TUSC3: variants seen among roughly 807,000 people sequenced by gnomAD.
The protein encoded by TUSC3 is dolichyl-diphosphooligosaccharide--protein glycosyltransferase subunit TUSC3.
In TUSC3, 45 loss-of-function variants were observed where a neutral mutation model predicts 44.8. That is an observed-to-expected ratio of 1.00 (90% confidence interval 0.79 to 1.29). The LOEUF is 1.29. Ranked by LOEUF, TUSC3 falls within the 50% of genes most tolerant of loss-of-function variation. The pLI is 0.00. For synonymous variants in TUSC3, 212 were observed against 152.9 expected, an observed-to-expected ratio of 1.39 and a Z score of -2.85; for missense variants, 519 against 437.9, an observed-to-expected ratio of 1.19 and a Z score of -1.65.
At chr8:15,687,806 C>T (rs1393377683) in intron 6 of TUSC3, among the ~76,000 whole-genome samples, 1 of 152,148 alleles carries the variant, frequency 6.6e-6, no homozygotes, top group Non-Finnish European at 1.5e-5. Flanking sequence ...CAAATAGGAA[C>T]TCAGATTGTA....
chr8:15,806,437 A>C, the TUSC3 span: 1 of 797,684 alleles, frequency 1.3e-6, no homozygotes, highest in Non-Finnish European at 2.3e-6. Flanking sequence ...CAGAGAAAAA[A>C]ATCACACACA....
chr8:15,496,961 T>C (rs1350376279), intron 2 of TUSC3, among the ~76,000 whole-genome samples: 1 of 152,212 alleles, frequency 6.6e-6, no homozygotes, highest in African/African-American at 2.4e-5. Context: ...GAACCTGTTT[T>C]AGATATTAGG....
rs10111198 is a variant in TUSC3, at chr8:15,723,857, C to T, written c.799-6809C>T. Among the ~76,000 whole-genome samples, 678 of 152,208 alleles carry T rather than the reference C, an allele frequency of 4.5e-3. 5 individuals carry two copies. Among genetic ancestry groups the T allele is most frequent in the African/African-American group, 0.015 (628 of 41,542 alleles). ...TTAGTATTTTAGCACACAAAGGAGA[C>T]TCAGGACTAGTATCATGACTACATT... On this transcript the variant is annotated intron_variant, in intron 6 of 10. Transcript: ENST00000503731.
At chr8:15,828,036 C>T in the TUSC3 span, among the ~76,000 whole-genome samples, 4 of 146,602 alleles carry the variant, frequency 2.7e-5, no homozygotes, top group African/African-American at 9.9e-5. Flanking sequence ...CACTTGTTGC[C>T]CAGGCTGGAG....
intron 1 of TUSC3, among the ~76,000 whole-genome samples, chr8:15,582,108 A>G (rs550970733): frequency 1.3e-5 from 2 of 150,626 alleles, no homozygotes; most frequent in Admixed American, 6.6e-5. Flanking sequence ...TGACTCGGAA[A>G]GGGAACTCCC....
intron 2 of TUSC3, among the ~76,000 whole-genome samples, chr8:15,646,611 G>C (rs1806643923): frequency 6.6e-6 from 1 of 151,732 alleles, no homozygotes; most frequent in Non-Finnish European, 1.5e-5. Context: ...TTATAGTACT[G>C]TTCATATTTA....
the TUSC3 span, among the ~76,000 whole-genome samples, chr8:15,837,850 T>A: frequency 6.6e-6 from 1 of 152,218 alleles, no homozygotes; most frequent in African/African-American, 2.4e-5. Flanking sequence ...CTGTAGTATC[T>A]TGGTTTAGAA....
chr8:15,758,485 T>A (rs1017187017), intron 10 of TUSC3, among the ~76,000 whole-genome samples: 8 of 152,044 alleles, frequency 5.3e-5, no homozygotes, highest in Middle Eastern at 3.4e-3. Flanking sequence ...ACACTGCACA[T>A]CCCACCCCCT....
chr8:15,593,492 A>T (rs963594032), intron 1 of TUSC3, among the ~76,000 whole-genome samples: 2 of 152,158 alleles, frequency 1.3e-5, no homozygotes, highest in African/African-American at 4.8e-5. Context: ...GAGATATCCA[A>T]GTGAGCCATT....
the TUSC3 span, among the ~76,000 whole-genome samples, chr8:15,842,634 T>A: frequency 6.6e-6 from 1 of 152,148 alleles, no homozygotes; most frequent in Non-Finnish European, 1.5e-5. Context: ...AGGCTTGCAA[T>A]TACGAACCTC....
chr8:15,674,345 T>A lies in TUSC3; in HGVS notation c.798+509T>A, dbSNP rs192082361. Among the ~76,000 whole-genome samples, 663 of 152,160 alleles carry A rather than the reference T, an allele frequency of 4.4e-3. 6 individuals carry two copies. The highest frequency in any genetic ancestry group is 0.015 in the African/African-American group (614 of 41,552). ...GTTTACGTTAGTAACTGCCACCGAA[T>A]TCACATAACTGAGTTTGTTGCCTTC... On this transcript the variant is annotated intron_variant, in intron 6 of 10. Coordinates refer to ENST00000503731, the MANE Select transcript of TUSC3 (RefSeq NM_006765.4).
At chr8:15,417,637 A>T (rs895204488) in intron 1 of TUSC3, among the ~76,000 whole-genome samples, 1 of 152,196 alleles carries the variant, frequency 6.6e-6, no homozygotes, top group East Asian at 1.9e-4. Flanking sequence ...GTAAATATAT[A>T]CTAGAGAGAA....
At position 15,631,856 on chromosome 8, in the gene TUSC3, C is replaced by T. The variant is rs115154873; in HGVS notation, c.308+8607C>T. 7.6e-3 allele frequency among the ~76,000 whole-genome samples: 1,154 copies of T among 152,128 alleles called. 22 individuals carry two copies. Among genetic ancestry groups the T allele is most frequent in the African/African-American group, 0.027 (1,103 of 41,500 alleles). On this transcript the variant is annotated intron_variant, in intron 2 of 10. Transcript: ENST00000503731. ...AGGTATCTGGGACTACAGGCACCTG[C>T]CGCCATGCCTGGCTAAATTTTTTTG...
chr8:15,683,093 C>T (rs950756065), intron 6 of TUSC3, among the ~76,000 whole-genome samples: 16 of 152,010 alleles, frequency 1.1e-4, no homozygotes, highest in African/African-American at 2.7e-4. Flanking sequence ...TTTTCTTTTG[C>T]GTTGACCTTG....
chr8:15,688,522 G>C (rs367940287), intron 6 of TUSC3, among the ~76,000 whole-genome samples: 18 of 150,636 alleles, frequency 1.2e-4, no homozygotes, highest in African/African-American at 4.2e-4. Context: ...TTGATGTACA[G>C]ATTATTTCAT....
chr8:15,424,008 GAGA>G (rs1799774986), intron 1 of TUSC3, among the ~76,000 whole-genome samples: 7 of 18,044 alleles, frequency 3.9e-4, no homozygotes, highest in African/African-American at 8.7e-4. Context: ...TTTTTTTTTT[GAGA>G]AGGAGTTTTG....
At chr8:15,653,666 T>C (rs1807019576) in intron 3 of TUSC3, among the ~76,000 whole-genome samples, 1 of 152,190 alleles carries the variant, frequency 6.6e-6, no homozygotes, top group African/African-American at 2.4e-5. Flanking sequence ...AATGCAGAAA[T>C]GTGTAAAAGT....
intron 10 of TUSC3, among the ~76,000 whole-genome samples, chr8:15,759,917 A>G (rs1812100190): frequency 1.3e-5 from 2 of 152,100 alleles, no homozygotes; most frequent in African/African-American, 4.8e-5. Context: ...GAAATCTTGA[A>G]GTCATTTTGT....
At chr8:15,511,773 G>C (rs908745109) in intron 2 of TUSC3, among the ~76,000 whole-genome samples, 2 of 152,040 alleles carry the variant, frequency 1.3e-5, no homozygotes, top group Non-Finnish European at 2.9e-5. Context: ...GGGAGGCTGA[G>C]GAAGGAAGAA....
Sources: gnomAD v4.1 joint callset for allele counts (sites outside exome capture counted in the v4.1 genomes callset) on GRCh38, gnomAD v4.1.1 for gene constraint, MANE v1.5 for transcripts, NCBI Gene and HGNC (gene_info 2026-07-23, HGNC 2026-07-21) for gene names.